DAAM1: variants seen among roughly 807,000 people sequenced by gnomAD.
The protein encoded by DAAM1 is dishevelled associated activator of morphogenesis 1.
In DAAM1, 52 loss-of-function variants were observed where a neutral mutation model predicts 130.0. The ratio of observed to expected loss-of-function variants is 0.40; its 90% CI spans 0.32 to 0.50. DAAM1 has a LOEUF of 0.50. Among genes scored for constraint, DAAM1 ranks in the 20% least tolerant of loss-of-function variants. The pLI is 0.61. For missense variants in DAAM1, 1,134 were observed against 1,303.8 expected (o/e 0.87, Z 2.01); for synonymous variants, 452 against 444.5 (o/e 1.02, Z -0.21).
chr14:59,360,220 A>T (rs1477103883), intron 21 of DAAM1, among the ~76,000 whole-genome samples: 1 of 152,238 alleles, frequency 6.6e-6, no homozygotes, highest in Non-Finnish European at 1.5e-5. Context: ...TTTAAAAGCC[A>T]TGAAATAGAA....
intron 1 of DAAM1, among the ~76,000 whole-genome samples, chr14:59,189,219 C>G (rs1887649500): frequency 6.6e-6 from 1 of 152,090 alleles, no homozygotes; most frequent in African/African-American, 2.4e-5. Context: ...CCGAGGCAGG[C>G]TTGGTGGACA....
chr14:59,322,416 G>A (rs1475751126), intron 5 of DAAM1, among the ~76,000 whole-genome samples: 2 of 152,090 alleles, frequency 1.3e-5, no homozygotes, highest in African/African-American at 4.8e-5. Flanking sequence ...CGGCTACTTG[G>A]GAGGCTGGGG....
At chr14:59,362,470 C>T (rs1886745648) in intron 22 of DAAM1, 1 of 152,120 alleles carries the variant, frequency 6.6e-6, no homozygotes, top group Non-Finnish European at 1.5e-5. Flanking sequence ...GAAACACTTT[C>T]AAATGCCTTT....
At chr14:59,345,058 C>T (rs942299811) in intron 16 of DAAM1, among the ~76,000 whole-genome samples, 1 of 151,956 alleles carries the variant, frequency 6.6e-6, no homozygotes, top group Non-Finnish European at 1.5e-5. Flanking sequence ...GTTACTGTTC[C>T]TTGGCCTTGC....
chr14:59,352,556 A>G lies in DAAM1; in HGVS notation c.2191A>G (p.Ile731Val), dbSNP rs766013818. The G allele has an allele frequency of 2.2e-5, 35 of 1,613,392 alleles. No homozygotes were observed. In the Admixed American group the frequency reaches 5.2e-4, roughly 24 times the overall value. ...GAAATTTGTTCCTGAAAAAAGTGAC[A>G]TTGACCTATTGGAGGAACATAAACA... is the stretch of plus-strand genomic sequence containing the variant. ...LLKFVPEKSD[I>V]DLLEEHKHEL... The change falls in exon 18 of 25, where the codon ATT (isoleucine) becomes GTT (valine). Residue 731 changes from isoleucine to valine, a missense_variant. Ile to Val is a conservative substitution (Grantham distance 29, BLOSUM62 3). Around this residue, in one of 3 missense-constraint regions of DAAM1, gnomAD observed 644 missense variants for 695.9 expected, o/e 0.93. Transcript: ENST00000360909.
chr14:59,343,138 A>G (rs961033856), intron 16 of DAAM1, among the ~76,000 whole-genome samples: 1 of 152,208 alleles, frequency 6.6e-6, no homozygotes, highest in African/African-American at 2.4e-5. Flanking sequence ...GGGTGCCTGC[A>G]TGGGAGCTGC....
intron 20 of DAAM1, among the ~76,000 whole-genome samples, chr14:59,357,947 G>C (rs74057115): frequency 1.8e-4 from 28 of 152,324 alleles, no homozygotes; most frequent in African/African-American, 6.7e-4. Flanking sequence ...GAAATGCAAG[G>C]GTAAAGAAAA....
chr14:59,352,455 G>A, intron 17 of DAAM1, 71 bp from the exon 18 acceptor site: 2 of 1,205,342 alleles, frequency 1.7e-6, no homozygotes, highest in South Asian at 2.8e-5. Context: ...CAGATTAACT[G>A]AAAGGGTGAA....
At position 59,325,226 on chromosome 14, in the gene DAAM1, T is replaced by C. The variant is rs1266792635; in HGVS notation, c.990-438T>C. On this transcript the variant is annotated intron_variant, in intron 8 of 24. Coordinates refer to ENST00000360909, the MANE Select transcript of DAAM1 (RefSeq NM_001270520.2). Reference sequence around the variant, plus strand: ...CTGATGTGTTTGTCTTCATAAAATGTATCCTGGGTGTGTAGAATACATAGT... The same window carrying C: ...CTGATGTGTTTGTCTTCATAAAATGCATCCTGGGTGTGTAGAATACATAGT... Among the ~76,000 whole-genome samples, 6 of 152,256 alleles carry C rather than the reference T, an allele frequency of 3.9e-5. No homozygotes were observed. The East Asian group carries it at 9.7e-4, about 25-fold the overall frequency.
At position 59,330,707 on chromosome 14, in the gene DAAM1, C is replaced by CT. The variant is rs756272238; in HGVS notation, c.1560+20dup. Reference sequence around the variant, plus strand: ...CAGCAGGGTGAGGTCTTCCGCTCAGCTCACGGGCAGCTGCCAAGGCCTCAC... The same window carrying CT: ...CAGCAGGGTGAGGTCTTCCGCTCAGCTTCACGGGCAGCTGCCAAGGCCTCAC... On this transcript the variant is annotated intron_variant, in intron 13 of 24. Coordinates refer to ENST00000360909, the MANE Select transcript of DAAM1 (RefSeq NM_001270520.2). The CT allele has an allele frequency of 2.3e-5, 37 of 1,581,430 alleles. No homozygotes were observed. Among genetic ancestry groups the CT allele is most frequent in the Admixed American group, 1.5e-4 (8 of 53,632 alleles).
intron 15 of DAAM1, chr14:59,338,420 T>C (rs536022356): frequency 1.2e-6 from 2 of 1,613,604 alleles, no homozygotes; most frequent in Admixed American, 1.7e-5. Flanking sequence ...AGCAGGTAAG[T>C]GAGCTACTAC....
chr14:59,197,067 C>T (rs959806702), intron 1 of DAAM1, among the ~76,000 whole-genome samples: 11 of 152,102 alleles, frequency 7.2e-5, no homozygotes, highest in Non-Finnish European at 1.2e-4. Flanking sequence ...ACTACAGGCG[C>T]CTGCCACCAC....
intron 7 of DAAM1, 53 bp downstream of exon 7, chr14:59,324,291 A>G: frequency 1.4e-6 from 2 of 1,418,946 alleles, no homozygotes; most frequent in Non-Finnish European, 9.3e-7. Flanking sequence ...ATTTATAAAA[A>G]GTGATTATTA....
intron 1 of DAAM1, among the ~76,000 whole-genome samples, chr14:59,246,614 G>A (rs1462947605): frequency 6.6e-6 from 1 of 152,072 alleles, no homozygotes; most frequent in Non-Finnish European, 1.5e-5. Flanking sequence ...TTAATTTTTT[G>A]AGAAACCACC....
chr14:59,263,156 A>G (rs1056938514), intron 1 of DAAM1, among the ~76,000 whole-genome samples: 11 of 152,236 alleles, frequency 7.2e-5, no homozygotes, highest in Non-Finnish European at 1.2e-4. Context: ...TGTACAAAGA[A>G]CAGACAGTAG....
intron 1 of DAAM1, among the ~76,000 whole-genome samples, chr14:59,194,705 C>G (rs575886138): frequency 6.6e-6 from 1 of 152,144 alleles, no homozygotes; most frequent in Non-Finnish European, 1.5e-5. Flanking sequence ...TATTGGATAG[C>G]CTTAGATATT....
chr14:59,203,158 ATTTT>A (rs57437992), intron 1 of DAAM1, among the ~76,000 whole-genome samples: 303 of 108,070 alleles, frequency 2.8e-3, no homozygotes, highest in East Asian at 0.011. Flanking sequence ...CTTCTGGCTA[ATTTT>A]TTTTTTTTTT....
At chr14:59,366,850 T>C (rs1397022921) in intron 23 of DAAM1, among the ~76,000 whole-genome samples, 3 of 152,026 alleles carry the variant, frequency 2.0e-5, no homozygotes, top group African/African-American at 7.3e-5. Flanking sequence ...TTTGGCTGTA[T>C]TTTGCTGTGA....
intron 5 of DAAM1, among the ~76,000 whole-genome samples, chr14:59,321,120 T>G (rs1011366202): frequency 7.7e-6 from 1 of 130,652 alleles, no homozygotes; most frequent in Non-Finnish European, 1.7e-5. Flanking sequence ...TGGAATATAA[T>G]TTGGCTACAA....
Sources: gnomAD v4.1 joint callset for allele counts (sites outside exome capture counted in the v4.1 genomes callset) on GRCh38, gnomAD v4.1.1 for gene constraint, gnomAD v4.1.1 regional missense constraint, MANE v1.5 for transcripts, NCBI Gene and HGNC (gene_info 2026-07-23, HGNC 2026-07-21) for gene names.